The following SUPT5H variants were observed in gnomAD, a reference collection of about 807,000 sequenced individuals.
SUPT5H encodes SPT5 homolog, DSIF elongation factor subunit.
In SUPT5H, 24 loss-of-function variants were observed where a neutral mutation model predicts 142.5. That is an observed-to-expected ratio of 0.17 (90% CI 0.12 to 0.24). SUPT5H has a LOEUF of 0.24. Ranked by LOEUF, SUPT5H falls within the 10% of genes least tolerant of loss-of-function variation. The pLI, the probability that SUPT5H is intolerant of heterozygous loss-of-function variation, is 1.00. For synonymous variants in SUPT5H, 546 were observed against 553.0 expected, an observed-to-expected ratio of 0.99 and a Z score of 0.18; for missense variants, 893 against 1,471.8, an observed-to-expected ratio of 0.61 and a Z score of 6.43.
At position 39,469,575 on chromosome 19, in the gene SUPT5H, G is replaced by A; in HGVS notation, c.1374+177G>A. 1.2e-6 allele frequency: 1 copy of A among 855,698 alleles called. No homozygotes were observed. The highest frequency in any genetic ancestry group is 1.8e-6 in the Non-Finnish European group (1 of 556,752). The allele number at this position is 855,698 out of a possible 1,614,324, so 53.0% of individuals were successfully genotyped here. A position where few individuals can be genotyped will look rare whatever the true frequency, so the allele number is the denominator to read the frequency against. ...GTCTGAGTGCAGCTCAGGGTCGGTG[G>A]GCAGCAGGCCTGCCTGGTGGTGTCT... On this transcript the variant is annotated intron_variant, in intron 16 of 29. Transcript: ENST00000432763. The surrounding 1 kb of genome is among the most constrained non-coding windows in gnomAD (Gnocchi z 5.1).
chr19:39,470,503 C>T lies in SUPT5H; in HGVS notation c.1657C>T (p.Leu553=). 6.3e-7 allele frequency: 1 copy of T among 1,577,122 alleles called. No individual in the cohort carries two copies. Among genetic ancestry groups the T allele is most frequent in the Non-Finnish European group, 8.6e-7 (1 of 1,160,956 alleles). ...CCAGACTGTGGGTGTCATCGTGCGA[C>T]TAGAACGGGAGACCTTCCAGGTGTG... ...DPQTVGVIVR[L]ERETFQVLNM... is the part of the protein sequence containing the mutation. Residue 553 remains leucine (L), a synonymous_variant, in exon 18 of 30, where the codon CTA becomes TTA. Transcript: ENST00000432763. The surrounding 1 kb of genome is among the most constrained non-coding windows in gnomAD (Gnocchi z 5.8).
intron 10 of SUPT5H, among the ~76,000 whole-genome samples, chr19:39,463,757 C>CA (rs1207895800): frequency 6.6e-6 from 1 of 152,308 alleles, no homozygotes; most frequent in East Asian, 1.9e-4. Flanking sequence ...GTATTGCAGT[C>CA]AGTGATTGTT....
Position 39,458,690 on chromosome 19 carries a change from T to TCAAAA in SUPT5H, c.320-127_320-126insAAAAC. 1.1e-6 allele frequency: 1 copy of TCAAAA among 880,044 alleles called. No homozygotes were observed. Among genetic ancestry groups the TCAAAA allele is most frequent in the South Asian group, 1.8e-5 (1 of 57,074 alleles). 54.5% of individuals were successfully genotyped at this position (880,044 alleles called of 1,614,324 possible). On this transcript the variant is annotated intron_variant, in intron 5 of 29. Transcript: ENST00000432763. This position sits in a 1 kb window ranked among gnomAD's most constrained non-coding sequence, Gnocchi z 4.2. ...GAGTAGGGGATGAGGGGTTGGGATT[T>TCAAAA]CCTCTGTGAGATGTCATCTTCCTGC...
At chr19:39,471,923 T>G in intron 20 of SUPT5H, 193 bp downstream of exon 20, 1 of 857,470 alleles carries the variant, frequency 1.2e-6, no homozygotes, top group Non-Finnish European at 1.7e-6. Flanking sequence ...AAGTTATTTA[T>G]TCATTTCATT....
intron 13 of SUPT5H, chr19:39,467,014 C>G (rs2079248911): frequency 7.0e-6 from 3 of 431,368 alleles, no homozygotes; most frequent in Non-Finnish European, 1.2e-5. Context: ...CGAGACCAGC[C>G]TGGGCAACAT....
chr19:39,475,540 T>C (rs2079393272), intron 28 of SUPT5H, among the ~76,000 whole-genome samples: 1 of 148,418 alleles, frequency 6.7e-6, no homozygotes, highest in African/African-American at 2.5e-5. Context: ...ATCTGTGGTA[T>C]GGAATTCTCC....
At position 39,458,246 on chromosome 19, in the gene SUPT5H, AC is replaced by A; in HGVS notation, c.308-46del. 1 of 776,846 alleles carries A rather than the reference AC, an allele frequency of 1.3e-6. No individual in the cohort carries two copies. The highest frequency in any genetic ancestry group is 2.0e-6 in the Non-Finnish European group (1 of 494,698). 48.1% of individuals were successfully genotyped at this position (776,846 alleles called of 1,614,324 possible). A position where few individuals can be genotyped will look rare whatever the true frequency, so the allele number is the denominator to read the frequency against. ...TCTGCCCTCGCCCACCACCACCACC[AC>A]CACCACCACCACCACCACCACCACC... On this transcript the variant is annotated intron_variant, in intron 4 of 29. Coordinates refer to ENST00000432763, the MANE Select transcript of SUPT5H (RefSeq NM_001111020.3). This position sits in a 1 kb window ranked among gnomAD's most constrained non-coding sequence, Gnocchi z 4.2.
In SUPT5H at chr19:39,469,835, C is replaced by A. The variant is rs1167754546; in HGVS notation, c.1375-284C>A. ...GCTGAGGAGCTGTCCAGTCGGGGGT[C>A]CTGTGTCTGAGGGGCAGGCTCTCTG... On this transcript the variant is annotated intron_variant, in intron 16 of 29. Coordinates refer to ENST00000432763, the MANE Select transcript of SUPT5H (RefSeq NM_001111020.3). The surrounding 1 kb of genome is among the most constrained non-coding windows in gnomAD (Gnocchi z 5.1). 1.2e-5 allele frequency: 6 copies of A among 481,972 alleles called. No individual in the cohort carries two copies. The highest frequency in any genetic ancestry group is 3.7e-5 in the Admixed American group (1 of 27,030). The allele number at this position is 481,972 out of a possible 1,614,324, so 29.9% of individuals were successfully genotyped here. A position where few individuals can be genotyped will look rare whatever the true frequency, so the allele number is the denominator to read the frequency against.
Position 39,466,508 on chromosome 19 carries a change from C to A in SUPT5H, c.905C>A (p.Thr302Asn). 1.2e-6 allele frequency: 2 copies of A among 1,614,108 alleles called. No homozygotes were observed. The highest frequency in any genetic ancestry group is 1.7e-6 in the Non-Finnish European group (2 of 1,180,036). The change falls in exon 12 of 30, where the codon ACC becomes AAC. Residue 302 changes from threonine (T) to asparagine (N), a missense_variant. Physicochemically the swap from Thr to Asn is moderately conservative, Grantham distance 65. This residue lies in a region of SUPT5H where 428 missense variants were observed against 763.5 expected (regional missense o/e 0.56). Transcript: ENST00000432763. This position sits in a 1 kb window ranked among gnomAD's most constrained non-coding sequence, Gnocchi z 4.3. ...GACTACGTGGAGCCCAGCCAGAACA[C>A]CATCTCCCTGAAGATGATCCCACGC... Reference protein sequence around the residue: ...QVDYVEPSQNTISLKMIPRID... With the variant: ...QVDYVEPSQNNISLKMIPRID...
chr19:39,448,132 TCTTG>T (rs774788842), intron 2 of SUPT5H, among the ~76,000 whole-genome samples: 1 of 152,226 alleles, frequency 6.6e-6, no homozygotes, highest in Non-Finnish European at 1.5e-5. Flanking sequence ...CCATTTGTCC[TCTTG>T]CTTGCCTTGT....
intron 2 of SUPT5H, 92 bp downstream of exon 2, chr19:39,446,057 G>A: frequency 7.4e-7 from 1 of 1,351,962 alleles, no homozygotes; most frequent in African/African-American, 1.4e-5. Flanking sequence ...GGTTCACAGC[G>A]GGCTCTGGCT....
chr19:39,466,792 T>C lies in SUPT5H; in HGVS notation c.1037+47T>C. ...CTGGGCTGGGTCCCCAGGGCCGGTGTGTAGAATGTGCCTTTTGCAGGTTCC... is the reference window on the plus strand; with the variant it reads ...CTGGGCTGGGTCCCCAGGGCCGGTGCGTAGAATGTGCCTTTTGCAGGTTCC... On this transcript the variant is annotated intron_variant, in intron 13 of 29. Coordinates refer to ENST00000432763, the MANE Select transcript of SUPT5H (RefSeq NM_001111020.3). The surrounding 1 kb of genome is among the most constrained non-coding windows in gnomAD (Gnocchi z 4.3). 2 of 1,591,480 alleles carry C rather than the reference T, an allele frequency of 1.3e-6. No individual in the cohort carries two copies. Among genetic ancestry groups the C allele is most frequent in the East Asian group, 4.5e-5 (2 of 44,752 alleles).
chr19:39,462,884 G>C (rs1369740673), intron 10 of SUPT5H, among the ~76,000 whole-genome samples: 1 of 133,038 alleles, frequency 7.5e-6, no homozygotes, highest in East Asian at 2.2e-4. Flanking sequence ...CCGTTGCCCA[G>C]GCTGGAGTGC....
chr19:39,458,148 C>G lies in SUPT5H; in HGVS notation c.308-146C>G. 7.3e-7 allele frequency: 1 copy of G among 1,378,406 alleles called. No homozygotes were observed. The highest frequency in any genetic ancestry group is 2.6e-4 in the Middle Eastern group (1 of 3,828). The allele number at this position is 1,378,406 out of a possible 1,614,324, so 85.4% of individuals were successfully genotyped here. A position where few individuals can be genotyped will look rare whatever the true frequency, so the allele number is the denominator to read the frequency against. On this transcript the variant is annotated intron_variant, in intron 4 of 29. Coordinates refer to ENST00000432763, the MANE Select transcript of SUPT5H (RefSeq NM_001111020.3). This position sits in a 1 kb window ranked among gnomAD's most constrained non-coding sequence, Gnocchi z 4.2. Reference sequence around the variant, plus strand: ...CTGGCCTTTACTTTTGGTTTTCAACCTTTCTGTGTCCCTCCCTTCCCCTCC... The same window carrying G: ...CTGGCCTTTACTTTTGGTTTTCAACGTTTCTGTGTCCCTCCCTTCCCCTCC...
At position 39,466,141 on chromosome 19, in the gene SUPT5H, CAAAGGA is replaced by C. The variant is rs2079231834; in HGVS notation, c.877-338_877-333del. Among the ~76,000 whole-genome samples, 1 of 152,054 alleles carries C rather than the reference CAAAGGA, an allele frequency of 6.6e-6. No individual in the cohort carries two copies. Among genetic ancestry groups the C allele is most frequent in the Non-Finnish European group, 1.5e-5 (1 of 68,002 alleles). On this transcript the variant is annotated intron_variant, in intron 11 of 29. Coordinates refer to ENST00000432763, the MANE Select transcript of SUPT5H (RefSeq NM_001111020.3). The surrounding 1 kb of genome is among the most constrained non-coding windows in gnomAD (Gnocchi z 4.3). Reference sequence around the variant, plus strand: ...GGGTCGGGTGTGGGTGTAAGAGAAACAAAGGAGTCAAGAGTGGCTCCCAGGTTGTGT... The same window carrying C: ...GGGTCGGGTGTGGGTGTAAGAGAAACGTCAAGAGTGGCTCCCAGGTTGTGT...
chr19:39,474,120 A>G lies in SUPT5H; in HGVS notation c.2650A>G (p.Met884Val). The G allele has an allele frequency of 6.2e-7, 1 of 1,600,402 alleles. No homozygotes were observed. Among genetic ancestry groups the G allele is most frequent in the Non-Finnish European group, 8.5e-7 (1 of 1,171,978 alleles). Residue 884 changes from methionine to valine, a missense_variant and splice_region_variant, in exon 26 of 30, where the codon ATG becomes GTG. By Grantham distance (21) the Met-to-Val change is conservative. This residue lies in a region of SUPT5H where 336 missense variants were observed against 546.5 expected (regional missense o/e 0.61). Coordinates refer to ENST00000432763, the MANE Select transcript of SUPT5H (RefSeq NM_001111020.3). This position sits in a 1 kb window ranked among gnomAD's most constrained non-coding sequence, Gnocchi z 6.5. ...YNPQTPGTPA[M>V]YNTDQFSPYA... ...CCCGCAGACGCCAGGGACGCCGGCC[A>G]TGTGAGTCCACTGGGGCCTGCCCTC...
rs36028459 is a variant in SUPT5H, at chr19:39,451,187, CT to C, written c.76-2150del. ...AGTGAACATTTACTTTGAGCATGAC[CT>C]TTTTTTTTTTTTTTTTTTGAGACAG... On this transcript the variant is annotated intron_variant, in intron 2 of 29. Transcript: ENST00000432763. Among the ~76,000 whole-genome samples, 345 of 111,686 alleles carry C rather than the reference CT, an allele frequency of 3.1e-3. 1 individual carries two copies. Among genetic ancestry groups the C allele is most frequent in the African/African-American group, 0.011 (297 of 28,106 alleles). 73.3% of individuals were successfully genotyped at this position (111,686 alleles called of 152,430 possible). A position where few individuals can be genotyped will look rare whatever the true frequency, so the allele number is the denominator to read the frequency against.
rs1022758862 is a variant in SUPT5H, at chr19:39,458,364, T to C, written c.319+59T>C. On this transcript the variant is annotated intron_variant, in intron 5 of 29. Transcript: ENST00000432763. This position sits in a 1 kb window ranked among gnomAD's most constrained non-coding sequence, Gnocchi z 4.2. ...CCTCCCATATCCTGACATTTCCTCCTTCCTGAGGCACCTGCCCTCACCGGT... is the reference window on the plus strand; with the variant it reads ...CCTCCCATATCCTGACATTTCCTCCCTCCTGAGGCACCTGCCCTCACCGGT... 13 of 1,574,078 alleles carry C rather than the reference T, an allele frequency of 8.3e-6. No homozygotes were observed. Among genetic ancestry groups the C allele is most frequent in the Non-Finnish European group, 9.5e-6 (11 of 1,154,166 alleles).
At position 39,470,639 on chromosome 19, in the gene SUPT5H, C is replaced by T. The variant is rs2079306426; in HGVS notation, c.1677+116C>T. 2 of 1,205,168 alleles carry T rather than the reference C, an allele frequency of 1.7e-6. No homozygotes were observed. The highest frequency in any genetic ancestry group is 3.1e-5 in the African/African-American group (2 of 63,992). The allele number at this position is 1,205,168 out of a possible 1,614,324, so 74.7% of individuals were successfully genotyped here. On this transcript the variant is annotated intron_variant, in intron 18 of 29. Coordinates refer to ENST00000432763, the MANE Select transcript of SUPT5H (RefSeq NM_001111020.3). The surrounding 1 kb of genome is among the most constrained non-coding windows in gnomAD (Gnocchi z 5.8). ...ACTGCTCTGGGTTGCAGATCTGGCTCTGTCACTTACATCTGAATGGCTGAT... is the reference window on the plus strand; with the variant it reads ...ACTGCTCTGGGTTGCAGATCTGGCTTTGTCACTTACATCTGAATGGCTGAT...
Sources: gnomAD v4.1 joint callset for allele counts (sites outside exome capture counted in the v4.1 genomes callset) on GRCh38, gnomAD v4.1.1 for gene constraint, gnomAD v4.1.1 regional missense constraint, Gnocchi (gnomAD v3.1) non-coding constraint, MANE v1.5 for transcripts, NCBI Gene and HGNC (gene_info 2026-07-23, HGNC 2026-07-21) for gene names.